Variants in RARB observed in about 807,000 individuals in gnomAD.
The protein encoded by RARB is HBV-activated protein.
Under a neutral mutation model 51.9 loss-of-function variants are expected in RARB, and 17 were observed. The observed-to-expected ratio is 0.33, with a 90% CI of 0.22 to 0.49. The LOEUF (loss-of-function observed/expected upper bound fraction) is 0.49. Among genes scored for constraint, RARB ranks in the 20% least tolerant of loss-of-function variants. The pLI is 0.99. For missense variants in RARB, 369 were observed against 550.8 expected (o/e 0.67, Z 3.30); for synonymous variants, 215 against 195.4 (o/e 1.10, Z -0.84).
At chr3:25,500,784 T>A (rs1697273724) in intron 2 of RARB, among the ~76,000 whole-genome samples, 1 of 152,050 alleles carries the variant, frequency 6.6e-6, no homozygotes, top group Non-Finnish European at 1.5e-5. Flanking sequence ...CAGCCAGTAA[T>A]TTCTTTTATT....
intron 5 of RARB, among the ~76,000 whole-genome samples, chr3:25,317,094 TACA>T (rs1225878782): frequency 1.8e-4 from 8 of 45,478 alleles, no homozygotes; most frequent in Non-Finnish European, 2.7e-4. Flanking sequence ...TGTAAAAGAA[TACA>T]ACATTTTTGC....
At chr3:25,044,576 G>A (rs145033854) in intron 2 of RARB, among the ~76,000 whole-genome samples, 87 of 152,298 alleles carry the variant, frequency 5.7e-4, no homozygotes, top group African/African-American at 2.0e-3. Flanking sequence ...GCTAGGAGTC[G>A]TGGTACATGG....
chr3:25,115,850 C>T (rs982139813), intron 3 of RARB, among the ~76,000 whole-genome samples: 6 of 152,102 alleles, frequency 3.9e-5, no homozygotes, highest in Admixed American at 2.0e-4. Flanking sequence ...AGGCTGATCT[C>T]GAACTTCTGG....
intron 5 of RARB, among the ~76,000 whole-genome samples, chr3:25,184,784 T>C (rs757488878): frequency 6.6e-6 from 1 of 152,072 alleles, no homozygotes; most frequent in African/African-American, 2.4e-5. Flanking sequence ...CCCAGCGCTT[T>C]GCGGGACTGA....
chr3:25,212,809 A>T (rs1167982453), intron 5 of RARB, among the ~76,000 whole-genome samples: 1 of 152,036 alleles, frequency 6.6e-6, no homozygotes, highest in Non-Finnish European at 1.5e-5. Context: ...GTTAGCTTGA[A>T]CTCCATTTCC....
chr3:25,074,164 C>T (rs566353408), intron 3 of RARB, among the ~76,000 whole-genome samples: 2 of 152,286 alleles, frequency 1.3e-5, no homozygotes, highest in Non-Finnish European at 2.9e-5. Context: ...TAATTTATCA[C>T]AATGGAAAAC....
chr3:25,371,573 A>G (rs1706300539), intron 5 of RARB, among the ~76,000 whole-genome samples: 1 of 152,240 alleles, frequency 6.6e-6, no homozygotes, highest in South Asian at 2.1e-4. Flanking sequence ...AATATTGCCA[A>G]TATTTAGAGA....
intron 5 of RARB, among the ~76,000 whole-genome samples, chr3:25,410,503 G>T (rs896658887): frequency 2.6e-5 from 4 of 152,170 alleles, no homozygotes; most frequent in Non-Finnish European, 5.9e-5. Context: ...CTTGAGTAGT[G>T]AACTCGCTGA....
chr3:25,208,023 G>T lies in RARB; in HGVS notation c.178+33448G>T, dbSNP rs187140657. Among the ~76,000 whole-genome samples, 18 of 151,758 alleles carry T rather than the reference G, an allele frequency of 1.2e-4. No homozygotes were observed. In the South Asian group the frequency reaches 2.3e-3, roughly 19 times the overall value. ...AAAAGTGGGAGCAAGAGAGGGCAAG[G>T]GGGGGAGCAAATTGGGGGAATGCTA... On this transcript the variant is annotated intron_variant, in intron 5 of 11. Coordinates refer to the RARB transcript ENST00000383772.
chr3:25,518,162 T>G (rs1358424055), intron 3 of RARB, among the ~76,000 whole-genome samples: 2 of 152,188 alleles, frequency 1.3e-5, no homozygotes, highest in Non-Finnish European at 2.9e-5. Flanking sequence ...ACCGATGATT[T>G]TAAAATGTTA....
intron 3 of RARB, among the ~76,000 whole-genome samples, chr3:25,073,836 T>C (rs562088504): frequency 4.6e-5 from 7 of 152,312 alleles, no homozygotes; most frequent in African/African-American, 1.7e-4. Context: ...AGTGACTTTT[T>C]TTTTTTTATC....
intron 5 of RARB, among the ~76,000 whole-genome samples, chr3:25,352,032 A>C (rs183870690): frequency 6.6e-6 from 1 of 152,164 alleles, no homozygotes; most frequent in African/African-American, 2.4e-5. Context: ...TGCACCCTGA[A>C]TGCAAACACT....
At chr3:25,141,529 A>G (rs1700106746) in intron 4 of RARB, among the ~76,000 whole-genome samples, 1 of 152,148 alleles carries the variant, frequency 6.6e-6, no homozygotes, top group Non-Finnish European at 1.5e-5. Flanking sequence ...TGCCTGGAGT[A>G]CCTAAAAGCC....
intron 5 of RARB, among the ~76,000 whole-genome samples, chr3:25,246,874 T>A (rs1702575454): frequency 6.6e-6 from 1 of 152,174 alleles, no homozygotes; most frequent in Non-Finnish European, 1.5e-5. Context: ...CTGCTCTCTT[T>A]ACAGCCAGCA....
At chr3:25,420,447 G>C (rs1376587775) in intron 5 of RARB, among the ~76,000 whole-genome samples, 1 of 152,320 alleles carries the variant, frequency 6.6e-6, no homozygotes, top group East Asian at 1.9e-4. Context: ...AAAGATCAGA[G>C]TTAGATCTAA....
rs1026222651 is a variant in RARB, at chr3:24,936,370, C to A, written c.-380+77618C>A. Among the ~76,000 whole-genome samples the A allele has an allele frequency of 2.1e-4, 32 of 152,010 alleles. 1 individual carries two copies. On this transcript the variant is annotated intron_variant, in intron 2 of 11. Coordinates refer to the RARB transcript ENST00000383772. Reference sequence around the variant, plus strand: ...TATCCCAAGACTATAATCTGTATACCTTCCCATGATACTCAACCTCAGATA... The same window carrying A: ...TATCCCAAGACTATAATCTGTATACATTCCCATGATACTCAACCTCAGATA...
upstream of RARB, chr3:25,428,227 C>T (rs1708054043): frequency 2.4e-6 from 3 of 1,230,322 alleles, no homozygotes; most frequent in East Asian, 9.5e-5. Context: ...CGAAAGTTCA[C>T]TCGCATATAT....
intron 2 of RARB, among the ~76,000 whole-genome samples, chr3:24,867,081 G>A (rs1441028451): frequency 1.3e-5 from 2 of 152,132 alleles, no homozygotes; most frequent in Non-Finnish European, 2.9e-5. Flanking sequence ...TTCTACAATA[G>A]TGATGTTATC....
At chr3:25,299,480 A>G (rs1022710080) in intron 5 of RARB, among the ~76,000 whole-genome samples, 21 of 152,142 alleles carry the variant, frequency 1.4e-4, no homozygotes, top group African/African-American at 5.1e-4. Context: ...GATTACAGAC[A>G]TGAGCCACCA....
Sources: allele counts gnomAD v4.1 joint callset (sites outside exome capture counted in the v4.1 genomes callset), GRCh38; gene constraint gnomAD v4.1.1; transcripts MANE v1.5; gene names NCBI Gene and HGNC (gene_info 2026-07-23, HGNC 2026-07-21).